Variants in CLEC9A observed in about 807,000 individuals in gnomAD.
The protein encoded by CLEC9A is C-type lectin domain containing 9A.
Under a neutral mutation model 30.0 loss-of-function variants are expected in CLEC9A, and 24 were observed. The observed-to-expected ratio is 0.80, with a 90% CI of 0.58 to 1.13. The LOEUF is 1.13. Among genes scored for constraint, CLEC9A ranks in the 50% most tolerant of loss-of-function variants. The pLI is 0.00. For synonymous variants in CLEC9A, 111 were observed against 96.8 expected (o/e 1.15, Z -0.86); for missense variants, 251 against 280.9 (o/e 0.89, Z 0.76).
intron 5 of CLEC9A, among the ~76,000 whole-genome samples, chr12:10,055,273 T>C (rs1348094141): frequency 6.6e-6 from 1 of 152,242 alleles, no homozygotes. Context: ...AAAAAATACA[T>C]ATTTTAGACA....
intron 6 of CLEC9A, among the ~76,000 whole-genome samples, chr12:10,061,492 A>G (rs929123891): frequency 6.6e-6 from 1 of 152,222 alleles, no homozygotes; most frequent in Admixed American, 6.5e-5. Context: ...GGAAATGTAC[A>G]GTCAAATGCC....
At chr12:10,056,058 C>CAA (rs58274495) in intron 5 of CLEC9A, among the ~76,000 whole-genome samples, 2,729 of 47,420 alleles carry the variant, frequency 0.058, 563 homozygotes, top group Middle Eastern at 0.18. Flanking sequence ...GACTCTGTCT[C>CAA]AAAAAAAAAA....
At chr12:10,039,873 GT>G (rs11361362) in intron 1 of CLEC9A, among the ~76,000 whole-genome samples, 151,096 of 152,300 alleles carry the variant, frequency 0.99, 74,955 homozygotes, top group Middle Eastern at 1. Context: ...CCAGGCTGGA[GT>G]TGCAGAGGTG....
chr12:10,038,358 C>G (rs1382552855), intron 1 of CLEC9A, among the ~76,000 whole-genome samples: 1 of 151,864 alleles, frequency 6.6e-6, no homozygotes, highest in South Asian at 2.1e-4. Context: ...GAATGGAAGA[C>G]CATTTTAAGT....
chr12:10,059,581 A>C (rs1865977391), intron 5 of CLEC9A, among the ~76,000 whole-genome samples: 1 of 152,178 alleles, frequency 6.6e-6, no homozygotes, highest in Non-Finnish European at 1.5e-5. Flanking sequence ...GGACCTCATC[A>C]AAATAAAACA....
In CLEC9A at chr12:10,065,678, T is replaced by C; in HGVS notation, c.*46T>C. 4 of 1,596,794 alleles carry C rather than the reference T, an allele frequency of 2.5e-6. No individual in the cohort carries two copies. The highest frequency in any genetic ancestry group is 3.4e-6 in the Non-Finnish European group (4 of 1,169,960). On this transcript the variant is annotated 3_prime_UTR_variant, in exon 9 of 9. Transcript: ENST00000355819. ...TTCTATTACACTGTTATTTGGAGCA[T>C]GCCATTGGAAAACCCACCCCCACCC...
intron 1 of CLEC9A, among the ~76,000 whole-genome samples, chr12:10,037,761 G>A (rs1487449842): frequency 2.6e-5 from 4 of 152,132 alleles, no homozygotes; most frequent in Non-Finnish European, 4.4e-5. Context: ...TGCTTTAACT[G>A]CATGTCAGTC....
intron 2 of CLEC9A, chr12:10,043,124 T>C: frequency 3.6e-6 from 1 of 275,836 alleles, no homozygotes; most frequent in Non-Finnish European, 7.1e-6. Context: ...TTTTTTTTTG[T>C]CCAGGGTCTT....
intron 2 of CLEC9A, among the ~76,000 whole-genome samples, chr12:10,051,043 A>G (rs1433722873): frequency 1.3e-5 from 2 of 151,964 alleles, no homozygotes; most frequent in Non-Finnish European, 2.9e-5. Flanking sequence ...TGTCTCTACT[A>G]AAAATACAAA....
chr12:10,044,297 A>G (rs976429305), intron 2 of CLEC9A, among the ~76,000 whole-genome samples: 6 of 152,186 alleles, frequency 3.9e-5, no homozygotes, highest in African/African-American at 1.4e-4. Context: ...CTCTCCAATT[A>G]AAATGTAAAT....
In CLEC9A at chr12:10,052,796, T is replaced by C; in HGVS notation, c.91+18T>C. Reference sequence around the variant, plus strand: ...ATGTTCAGGTAACCAGTTCTAACTATTTTGTGTGAGACTTTAGAGTTCATG... The same window carrying C: ...ATGTTCAGGTAACCAGTTCTAACTACTTTGTGTGAGACTTTAGAGTTCATG... On this transcript the variant is annotated intron_variant, in intron 4 of 8. Coordinates refer to ENST00000355819, the MANE Select transcript of CLEC9A (RefSeq NM_207345.4). 1 of 1,612,214 alleles carries C rather than the reference T, an allele frequency of 6.2e-7. No individual in the cohort carries two copies. Among genetic ancestry groups the C allele is most frequent in the Non-Finnish European group, 8.5e-7 (1 of 1,179,242 alleles).
intron 1 of CLEC9A, among the ~76,000 whole-genome samples, chr12:10,037,195 T>A (rs1321507510): frequency 6.6e-6 from 1 of 152,068 alleles, no homozygotes; most frequent in Non-Finnish European, 1.5e-5. Context: ...GTAGGTAAAA[T>A]CAAGGAATAG....
At chr12:10,048,537 A>C (rs1025659966) in intron 2 of CLEC9A, among the ~76,000 whole-genome samples, 5 of 152,224 alleles carry the variant, frequency 3.3e-5, no homozygotes, top group Admixed American at 6.5e-5. Flanking sequence ...TTAAAAACTA[A>C]GTTTATGCAG....
rs529287721 is a variant in CLEC9A, at chr12:10,065,642, T to C, written c.*10T>C. 4.3e-6 allele frequency: 7 copies of C among 1,613,476 alleles called. No homozygotes were observed. In the African/African-American group the frequency reaches 8.0e-5, roughly 18 times the overall value. On this transcript the variant is annotated 3_prime_UTR_variant, in exon 9 of 9. Transcript: ENST00000355819. ...GAGATCCTCTGTCTGAAAGAAATTGTGTTCAAAGTGTTCTATTACACTGTT... is the reference window on the plus strand; with the variant it reads ...GAGATCCTCTGTCTGAAAGAAATTGCGTTCAAAGTGTTCTATTACACTGTT...
At position 10,037,749 on chromosome 12, in the gene CLEC9A, C is replaced by T. The variant is rs1328911101; in HGVS notation, c.-317-3717C>T. Among the ~76,000 whole-genome samples, 4 of 152,124 alleles carry T rather than the reference C, an allele frequency of 2.6e-5. No individual in the cohort carries two copies. In the East Asian group the frequency reaches 5.8e-4, roughly 22 times the overall value. ...TACATAAAAGGATGTTACTCAAGAACCTGCTTTAACTGCATGTCAGTCACT... is the reference window on the plus strand; with the variant it reads ...TACATAAAAGGATGTTACTCAAGAATCTGCTTTAACTGCATGTCAGTCACT... On this transcript the variant is annotated intron_variant, in intron 1 of 8. Coordinates refer to ENST00000355819, the MANE Select transcript of CLEC9A (RefSeq NM_207345.4).
chr12:10,032,341 A>G (rs191012644), intron 1 of CLEC9A, among the ~76,000 whole-genome samples: 2 of 151,786 alleles, frequency 1.3e-5, no homozygotes, highest in Admixed American at 6.6e-5. Context: ...TCTATGCTCA[A>G]TCTCCATCTG....
chr12:10,039,266 G>A (rs184840856), intron 1 of CLEC9A, among the ~76,000 whole-genome samples: 5 of 152,250 alleles, frequency 3.3e-5, no homozygotes. Flanking sequence ...AGGCAATACC[G>A]AAGGGTCATG....
intron 5 of CLEC9A, chr12:10,060,610 G>A (rs1865988501): frequency 6.5e-6 from 1 of 154,854 alleles, no homozygotes. Context: ...TGATGGTAGT[G>A]GAGGAGCCGA....
At chr12:10,037,700 A>G (rs549160073) in intron 1 of CLEC9A, among the ~76,000 whole-genome samples, 1 of 152,178 alleles carries the variant, frequency 6.6e-6, no homozygotes, top group African/African-American at 2.4e-5. Context: ...TTTTTTTCTC[A>G]ACATCGTTAT....
Sources: allele counts gnomAD v4.1 joint callset (sites outside exome capture counted in the v4.1 genomes callset), GRCh38; gene constraint gnomAD v4.1.1; transcripts MANE v1.5; gene names NCBI Gene and HGNC (gene_info 2026-07-23, HGNC 2026-07-21).